The following PKHD1 variants were observed in gnomAD, a reference collection of about 807,000 sequenced individuals.
PKHD1 encodes the protein PKHD1 ciliary IPT domain containing fibrocystin/polyductin, also known as fibrocystin.
In PKHD1, 291 loss-of-function variants were observed where a neutral mutation model predicts 412.0. That is an observed-to-expected ratio of 0.71 (90% CI 0.64 to 0.78). PKHD1 has a LOEUF of 0.78. Ranked by LOEUF, PKHD1 falls within the 30% of genes least tolerant of loss-of-function variation. The pLI is 0.00. For synonymous variants in PKHD1, 1,777 were observed against 1,821.5 expected (o/e 0.98, Z 0.62); for missense variants, 4,825 against 4,950.7 (o/e 0.97, Z 0.76).
chr6:51,726,540 C>T (rs933713425), intron 60 of PKHD1, among the ~76,000 whole-genome samples: 1 of 152,156 alleles, frequency 6.6e-6, no homozygotes, highest in African/African-American at 2.4e-5. Flanking sequence ...CCTCTGTTCC[C>T]TCTAAGTTCC....
At chr6:51,855,264 C>A (rs113995799) in intron 49 of PKHD1, among the ~76,000 whole-genome samples, 1,799 of 152,308 alleles carry the variant, frequency 0.012, 41 homozygotes, top group African/African-American at 0.041. Context: ...ATAAGAGAAC[C>A]TGGATACCTT....
chr6:51,636,305 G>A (rs1252573317), intron 64 of PKHD1, among the ~76,000 whole-genome samples: 2 of 152,068 alleles, frequency 1.3e-5, no homozygotes, highest in Non-Finnish European at 2.9e-5. Context: ...GGGGACTAAT[G>A]CCTATAATGC....
At chr6:51,669,221 A>G (rs895224123) in intron 60 of PKHD1, among the ~76,000 whole-genome samples, 21 of 152,156 alleles carry the variant, frequency 1.4e-4, no homozygotes, top group Admixed American at 6.5e-5. Context: ...CCACAATTTC[A>G]GCTCCTGTTA....
chr6:52,040,524 A>C (rs532281913), intron 27 of PKHD1, among the ~76,000 whole-genome samples: 2 of 152,184 alleles, frequency 1.3e-5, no homozygotes, highest in African/African-American at 4.8e-5. Flanking sequence ...AAGCTGAGTG[A>C]GCTGAGGGCC....
chr6:51,801,985 T>C (rs544821555), intron 52 of PKHD1, among the ~76,000 whole-genome samples: 5 of 152,322 alleles, frequency 3.3e-5, no homozygotes, highest in Admixed American at 2.6e-4. Flanking sequence ...AATTACCAAC[T>C]GTATCAGATC....
At chr6:51,664,079 AT>A (rs989624041) in intron 60 of PKHD1, among the ~76,000 whole-genome samples, 3 of 152,134 alleles carry the variant, frequency 2.0e-5, no homozygotes, top group Non-Finnish European at 4.4e-5. Context: ...TGTAATTAAC[AT>A]TTTTTTGGAG....
chr6:52,035,404 C>G (rs1175915682), intron 28 of PKHD1, among the ~76,000 whole-genome samples, 187 bp downstream of exon 28: 1 of 152,166 alleles, frequency 6.6e-6, no homozygotes, highest in Admixed American at 6.5e-5. Flanking sequence ...ATGTTAATTA[C>G]AAGCTCCATT....
intron 60 of PKHD1, among the ~76,000 whole-genome samples, chr6:51,665,717 T>C (rs942823546): frequency 6.6e-6 from 1 of 152,084 alleles, no homozygotes; most frequent in Non-Finnish European, 1.5e-5. Flanking sequence ...AAAAGGTAGA[T>C]TGTTGTGTTT....
intron 35 of PKHD1, among the ~76,000 whole-genome samples, chr6:51,995,671 C>T (rs1163345400): frequency 1.3e-5 from 2 of 152,146 alleles, no homozygotes; most frequent in Admixed American, 6.5e-5. Flanking sequence ...TTTTCCATAA[C>T]AAAATACACA....
intron 55 of PKHD1, among the ~76,000 whole-genome samples, chr6:51,763,058 C>A (rs1788312240): frequency 6.6e-6 from 1 of 151,978 alleles, no homozygotes; most frequent in Non-Finnish European, 1.5e-5. Context: ...TAAATTATTT[C>A]TCCTCAGGAC....
chr6:51,859,078 T>C (rs779206269), intron 48 of PKHD1, among the ~76,000 whole-genome samples: 2 of 152,204 alleles, frequency 1.3e-5, no homozygotes, highest in African/African-American at 2.4e-5. Context: ...CTCATATTTC[T>C]GCAATCCTAG....
At chr6:51,629,660 A>C (rs79132667) in intron 65 of PKHD1, among the ~76,000 whole-genome samples, 3,861 of 152,286 alleles carry the variant, frequency 0.025, 69 homozygotes, top group Non-Finnish European at 0.04. Context: ...AAAGAAAATT[A>C]AATTTTATTT....
chr6:51,668,986 A>G (rs1334524013), intron 60 of PKHD1, among the ~76,000 whole-genome samples: 2 of 152,180 alleles, frequency 1.3e-5, no homozygotes, highest in East Asian at 3.9e-4. Flanking sequence ...ATGTTCATCA[A>G]GGATATTGGT....
In PKHD1 at chr6:51,736,533, T is replaced by C. The variant is rs372600424; in HGVS notation, c.10156+7852A>G. On this transcript the variant is annotated intron_variant, in intron 60 of 66. Coordinates refer to ENST00000371117, the MANE Select transcript of PKHD1 (RefSeq NM_138694.4). ...ATTTTCTGAGACTCCACTGTGCCTT[T>C]ATATTTTAATACCATGACATCTGGA... is the stretch of plus-strand genomic sequence containing the variant. Among the ~76,000 whole-genome samples the C allele has an allele frequency of 3.9e-5, 6 of 152,306 alleles. No homozygotes were observed. The East Asian group carries it at 1.2e-3, about 29-fold the overall frequency.
Position 51,690,817 on chromosome 6 carries a change from G to T in PKHD1, c.10157-30848C>A, listed in dbSNP as rs114643032. On this transcript the variant is annotated intron_variant, in intron 60 of 66. Coordinates refer to ENST00000371117, the MANE Select transcript of PKHD1 (RefSeq NM_138694.4). ...AACAAAAGCAAAAATTGACAAATGG[G>T]GTATAATTAAATAAATAGCTTCTGC... is the stretch of plus-strand genomic sequence containing the variant. Among the ~76,000 whole-genome samples, 1,169 of 151,978 alleles carry T rather than the reference G, an allele frequency of 7.7e-3. 11 individuals are homozygous for T. The highest frequency in any genetic ancestry group is 0.014 in the Non-Finnish European group (919 of 67,994).
At chr6:51,720,438 C>T (rs1373005198) in intron 60 of PKHD1, among the ~76,000 whole-genome samples, 1 of 152,152 alleles carries the variant, frequency 6.6e-6, no homozygotes, top group East Asian at 1.9e-4. Context: ...GCCTGCTTTC[C>T]TCCAGTGCCC....
chr6:51,727,084 G>A (rs926274434), intron 60 of PKHD1, among the ~76,000 whole-genome samples: 5 of 152,178 alleles, frequency 3.3e-5, no homozygotes, highest in Non-Finnish European at 7.3e-5. Context: ...AGGGAATGCA[G>A]GCAGCCCTAG....
intron 60 of PKHD1, among the ~76,000 whole-genome samples, chr6:51,665,667 T>C (rs1396794798): frequency 1.3e-5 from 2 of 152,142 alleles, no homozygotes; most frequent in Non-Finnish European, 2.9e-5. Context: ...AGCTAATGCA[T>C]AGATGTAATA....
rs1348465202 is a variant in PKHD1, at chr6:51,617,832, T to C, written c.*1249A>G. The C allele has an allele frequency of 6.6e-6, 1 of 151,782 alleles. No individual in the cohort carries two copies. Among genetic ancestry groups the C allele is most frequent in the Non-Finnish European group, 1.5e-5 (1 of 67,922 alleles). The allele number at this position is 151,782 out of a possible 1,614,324, so 9.4% of individuals were successfully genotyped here. A position where few individuals can be genotyped will look rare whatever the true frequency, so the allele number is the denominator to read the frequency against. On this transcript the variant is annotated 3_prime_UTR_variant, in exon 67 of 67. Transcript: ENST00000371117. ...AATGAAAGAGTGTGTTTCCTTTCTCTCTTCCAATGCAACTACACAACAACC... is the reference window on the plus strand; with the variant it reads ...AATGAAAGAGTGTGTTTCCTTTCTCCCTTCCAATGCAACTACACAACAACC...
Sources: gnomAD v4.1 joint callset for allele counts (sites outside exome capture counted in the v4.1 genomes callset) on GRCh38, gnomAD v4.1.1 for gene constraint, MANE v1.5 for transcripts, NCBI Gene and HGNC (gene_info 2026-07-23, HGNC 2026-07-21) for gene names.